Variants in TACC2 observed in about 807,000 individuals in gnomAD.
TACC2 encodes the protein transforming acidic coiled-coil containing protein 2.
A neutral mutation model predicts 227.3 loss-of-function variants in TACC2; 137 were observed. The observed-to-expected ratio is 0.60, with a 90% CI of 0.52 to 0.69. TACC2 has a LOEUF of 0.69. Among genes scored for constraint, TACC2 ranks in the 30% least tolerant of loss-of-function variants. The probability of loss-of-function intolerance (pLI) is 0.00; values close to 1 mark genes in which losing one functional copy is unlikely to be tolerated. For synonymous variants in TACC2, 1,523 were observed against 1,487.5 expected (o/e 1.02, Z -0.55); for missense variants, 3,470 against 3,694.4 (o/e 0.94, Z 1.57).
At position 122,208,706 on chromosome 10, in the gene TACC2, TTGTC is replaced by T. The variant is rs539449022; in HGVS notation, c.5972-1688_5972-1685del. ...TCAAATCAGCTGAACATCCTGTCCT[TTGTC>T]TGGCAACCATGCCGGTGGCAGAAGG... On this transcript the variant is annotated intron_variant, in intron 8 of 22. Transcript: ENST00000369005. Among the ~76,000 whole-genome samples, 165 of 152,306 alleles carry T rather than the reference TTGTC, an allele frequency of 1.1e-3. 2 individuals are homozygous for T. Among genetic ancestry groups the T allele is most frequent in the African/African-American group, 2.5e-3 (102 of 41,564 alleles).
intron 19 of TACC2, among the ~76,000 whole-genome samples, chr10:122,242,215 C>G (rs1372824514): frequency 6.6e-6 from 1 of 152,200 alleles, no homozygotes; most frequent in Non-Finnish European, 1.5e-5. Context: ...GCATTATTCA[C>G]ACCCATGGAA....
At chr10:122,095,060 C>A (rs972992809) in intron 5 of TACC2, among the ~76,000 whole-genome samples, 1 of 152,180 alleles carries the variant, frequency 6.6e-6, no homozygotes, top group African/African-American at 2.4e-5. Flanking sequence ...GAAACTGAGT[C>A]TCAGAATGGG....
intron 1 of TACC2, among the ~76,000 whole-genome samples, chr10:122,002,146 C>T (rs1220211408): frequency 6.6e-6 from 1 of 152,150 alleles, no homozygotes; most frequent in Non-Finnish European, 1.5e-5. Context: ...CTTGCTGTAT[C>T]CTCATATGAT....
chr10:122,082,783 CT>C lies in TACC2; in HGVS notation c.284del (p.Leu95ArgfsTer115). 2 of 1,613,926 alleles carry C rather than the reference CT, an allele frequency of 1.2e-6. No homozygotes were observed. The highest frequency in any genetic ancestry group is 2.2e-5 in the South Asian group (2 of 91,076). ...QGARGPEGSL[L>X]PSPPPSQERE... ...AGCCAGGGGGCCAGAAGGTTCTTTG[CT>C]GCCCAGCCCACCACCGTCCCAGGAG... On this transcript the variant is annotated frameshift_variant, in exon 4 of 23. Transcript: ENST00000369005. LOFTEE classifies it high-confidence loss of function.
chr10:122,217,975 C>T lies in TACC2; in HGVS notation c.7546+1147C>T, dbSNP rs373430601. On this transcript the variant is annotated intron_variant, in intron 11 of 22. Coordinates refer to ENST00000369005, the MANE Select transcript of TACC2 (RefSeq NM_206862.4). The stretch of plus-strand genomic sequence containing the variant: ...TTATTATTTTTTTGAGATGGAGTCT[C>T]ACTCTGTCGCCCAGGCTGGAGTGCA... Among the ~76,000 whole-genome samples, 27 of 152,046 alleles carry T rather than the reference C, an allele frequency of 1.8e-4. No homozygotes were observed. The South Asian group carries it at 5.4e-3, about 31-fold the overall frequency.
At chr10:122,134,758 T>C (rs2089215191) in intron 6 of TACC2, among the ~76,000 whole-genome samples, 2 of 152,158 alleles carry the variant, frequency 1.3e-5, no homozygotes, top group African/African-American at 2.4e-5. Flanking sequence ...CACCCGATGC[T>C]CCCATCTTAC....
chr10:122,073,043 G>A (rs1206296249), intron 3 of TACC2, among the ~76,000 whole-genome samples: 2 of 147,294 alleles, frequency 1.4e-5, no homozygotes, highest in South Asian at 2.2e-4. Flanking sequence ...AACCCAGGAG[G>A]CGGAGCTTGC....
chr10:122,063,006 C>T (rs1306378439), intron 3 of TACC2, among the ~76,000 whole-genome samples: 4 of 152,060 alleles, frequency 2.6e-5, no homozygotes, highest in Non-Finnish European at 4.4e-5. Flanking sequence ...TGTGGCAGGG[C>T]GGGGACTAGA....
At chr10:122,234,413 T>G (rs541082149) in intron 16 of TACC2, among the ~76,000 whole-genome samples, 2 of 152,258 alleles carry the variant, frequency 1.3e-5, no homozygotes, top group African/African-American at 4.8e-5. Context: ...AGTGGCTTTT[T>G]TTGGCCCCTC....
intron 7 of TACC2, among the ~76,000 whole-genome samples, chr10:122,171,918 A>G (rs1345825807): frequency 6.6e-6 from 1 of 152,100 alleles, no homozygotes; most frequent in Non-Finnish European, 1.5e-5. Context: ...CTGTCTCCAT[A>G]CATCTCCTTG....
Position 122,085,764 on chromosome 10 carries a change from C to A in TACC2, c.3264C>A (p.Gly1088=), listed in dbSNP as rs547344614. Residue 1088 remains glycine, a synonymous_variant, in exon 4 of 23, where the codon GGC becomes GGA. Transcript: ENST00000369005. ...ETEACDETQE[G]RQQPVPAPQQ... ...AGGCATGTGATGAAACCCAGGAAGGCAGGCAGCAACCAGTGCCGGCCCCGC... is the reference window on the plus strand; with the variant it reads ...AGGCATGTGATGAAACCCAGGAAGGAAGGCAGCAACCAGTGCCGGCCCCGC... 1 of 1,613,882 alleles carries A rather than the reference C, an allele frequency of 6.2e-7. No individual in the cohort carries two copies. The highest frequency in any genetic ancestry group is 8.5e-7 in the Non-Finnish European group (1 of 1,179,994).
intron 5 of TACC2, among the ~76,000 whole-genome samples, chr10:122,107,824 C>A (rs1009761257): frequency 1.4e-4 from 21 of 148,778 alleles, no homozygotes; most frequent in Non-Finnish European, 2.8e-4. Context: ...ATATCCCTCA[C>A]CCCCCTCCCA....
intron 7 of TACC2, among the ~76,000 whole-genome samples, chr10:122,188,530 C>T (rs1430505798): frequency 4.6e-5 from 7 of 151,940 alleles, no homozygotes; most frequent in Non-Finnish European, 7.4e-5. Context: ...CTCAGGTCAT[C>T]TGCCTGCCTT....
intron 5 of TACC2, among the ~76,000 whole-genome samples, chr10:122,115,106 G>A (rs1160355269): frequency 6.6e-6 from 1 of 152,216 alleles, no homozygotes; most frequent in Admixed American, 6.5e-5. Context: ...ATTCGGCTTT[G>A]TATCCTGGTT....
intron 6 of TACC2, among the ~76,000 whole-genome samples, chr10:122,136,551 A>G (rs1190536184): frequency 6.2e-5 from 9 of 145,314 alleles, no homozygotes; most frequent in East Asian, 4.0e-4. Context: ...GTGTGTATAT[A>G]TATATATATA....
In TACC2 at chr10:122,180,339, CTT is replaced by C. The variant is rs71026008; in HGVS notation, c.5835-14687_5835-14686del. ...GCCTGAAACTTTCTTCCCCCCAGTT[CTT>C]TTTTTTTTTTTTTGGGTTAATAGTC... On this transcript the variant is annotated intron_variant, in intron 7 of 22. Coordinates refer to ENST00000369005, the MANE Select transcript of TACC2 (RefSeq NM_206862.4). The surrounding 1 kb of genome is among the most constrained non-coding windows in gnomAD (Gnocchi z 4.5). Among the ~76,000 whole-genome samples, 51 of 136,764 alleles carry C rather than the reference CTT, an allele frequency of 3.7e-4. No homozygotes were observed. The highest frequency in any genetic ancestry group is 3.8e-4 in the Non-Finnish European group (24 of 62,826). The allele number at this position is 136,764 out of a possible 152,430, so 89.7% of individuals were successfully genotyped here.
intron 1 of TACC2, among the ~76,000 whole-genome samples, chr10:122,001,477 C>T (rs1407030598): frequency 6.6e-6 from 1 of 152,158 alleles, no homozygotes; most frequent in Non-Finnish European, 1.5e-5. Context: ...TGGGTCCCTC[C>T]CATGACACAT....
chr10:122,097,042 G>A (rs1591959410), intron 5 of TACC2, among the ~76,000 whole-genome samples: 1 of 152,044 alleles, frequency 6.6e-6, no homozygotes, highest in African/African-American at 2.4e-5. Context: ...AACTTGCCTG[G>A]TTGCTGGGCA....
intron 3 of TACC2, among the ~76,000 whole-genome samples, chr10:122,074,185 A>T (rs1482110645): frequency 6.7e-6 from 1 of 150,262 alleles, no homozygotes; most frequent in Non-Finnish European, 1.5e-5. Flanking sequence ...AGTTCAAGCG[A>T]TTCTCCTGCC....
Sources: allele counts gnomAD v4.1 joint callset (sites outside exome capture counted in the v4.1 genomes callset), GRCh38; gene constraint gnomAD v4.1.1; non-coding constraint Gnocchi (gnomAD v3.1); transcripts MANE v1.5; gene names NCBI Gene and HGNC (gene_info 2026-07-23, HGNC 2026-07-21).